Variants in GUCA1C observed in about 807,000 individuals in gnomAD.
GUCA1C encodes guanylate cyclase activator 1C.
GUCA1C carries 15 observed loss-of-function variants against 16.2 expected under a neutral mutation model. The ratio of observed to expected loss-of-function variants is 0.93; its 90% CI spans 0.62 to 1.43. The LOEUF is 1.43. Among genes scored for constraint, GUCA1C ranks in the 40% most tolerant of loss-of-function variants. The probability of loss-of-function intolerance (pLI) is 0.00; values close to 1 mark genes in which losing one functional copy is unlikely to be tolerated. For missense variants in GUCA1C, 275 were observed against 244.8 expected (o/e 1.12, Z -0.82); for synonymous variants, 78 against 85.4 (o/e 0.91, Z 0.48).
intron 1 of GUCA1C, among the ~76,000 whole-genome samples, chr3:108,926,156 G>C (rs1231813635): frequency 6.6e-6 from 1 of 151,834 alleles, no homozygotes; most frequent in Non-Finnish European, 1.5e-5. Flanking sequence ...TTTCCTGTTG[G>C]CTAGTCCATT....
intron 1 of GUCA1C, among the ~76,000 whole-genome samples, chr3:108,928,461 T>A (rs1231998958): frequency 1.3e-5 from 2 of 152,240 alleles, no homozygotes; most frequent in Non-Finnish European, 2.9e-5. Context: ...AACTCCAGCT[T>A]ATTATTTTTC....
At chr3:108,929,752 C>T (rs1222878776) in intron 1 of GUCA1C, among the ~76,000 whole-genome samples, 1 of 152,124 alleles carries the variant, frequency 6.6e-6, no homozygotes, top group African/African-American at 2.4e-5. Context: ...AGATTTTGTC[C>T]TCTTCTGAAG....
intron 1 of GUCA1C, among the ~76,000 whole-genome samples, chr3:108,945,841 A>T (rs1946839273): frequency 6.6e-6 from 1 of 152,232 alleles, no homozygotes; most frequent in African/African-American, 2.4e-5. Context: ...CTGTTATACT[A>T]AAAGAGAAGT....
At chr3:108,912,577 A>T (rs4855677) in intron 3 of GUCA1C, among the ~76,000 whole-genome samples, 142,018 of 151,894 alleles carry the variant, frequency 0.93, 66,590 homozygotes, top group East Asian at 0.97. Context: ...AAAGATGTAA[A>T]GAAAAGAAAA....
At chr3:108,918,133 T>C (rs766620259) in intron 2 of GUCA1C, among the ~76,000 whole-genome samples, 1 of 152,242 alleles carries the variant, frequency 6.6e-6, no homozygotes, top group Non-Finnish European at 1.5e-5. Context: ...CTGTGCACCG[T>C]TGAATACTTA....
chr3:108,935,388 T>A (rs143527543), intron 1 of GUCA1C, among the ~76,000 whole-genome samples: 1 of 151,962 alleles, frequency 6.6e-6, no homozygotes, highest in Non-Finnish European at 1.5e-5. Flanking sequence ...CACATTTTTA[T>A]ATCTATAAAG....
chr3:108,926,511 C>T (rs746730499), intron 1 of GUCA1C, among the ~76,000 whole-genome samples: 8 of 152,282 alleles, frequency 5.3e-5, no homozygotes, highest in Middle Eastern at 3.4e-3. Flanking sequence ...GACGGAGTCT[C>T]GCTCTGTCCC....
chr3:108,942,307 A>G (rs1946794558), intron 1 of GUCA1C, among the ~76,000 whole-genome samples: 1 of 152,146 alleles, frequency 6.6e-6, no homozygotes, highest in Non-Finnish European at 1.5e-5. Flanking sequence ...AAGATCCCCA[A>G]ATGCCTCAAC....
chr3:108,936,963 A>ATT (rs1946733222), intron 1 of GUCA1C, among the ~76,000 whole-genome samples: 1 of 151,940 alleles, frequency 6.6e-6, no homozygotes, highest in East Asian at 1.9e-4. Context: ...TTTCATGAAC[A>ATT]TTTCTTGTGT....
At chr3:108,923,732 TG>T (rs1385747795) in intron 1 of GUCA1C, among the ~76,000 whole-genome samples, 3 of 152,204 alleles carry the variant, frequency 2.0e-5, no homozygotes, top group African/African-American at 7.2e-5. Flanking sequence ...ATTTGAAGAT[TG>T]CTTTTGGTAC....
chr3:108,948,896 G>A (rs1335568714), intron 1 of GUCA1C, among the ~76,000 whole-genome samples: 1 of 150,270 alleles, frequency 6.7e-6, no homozygotes, highest in African/African-American at 2.5e-5. Context: ...CACCCAGGCT[G>A]GAGTACAAGG....
At chr3:108,923,717 G>A (rs1332790702) in intron 1 of GUCA1C, among the ~76,000 whole-genome samples, 1 of 151,968 alleles carries the variant, frequency 6.6e-6, no homozygotes, top group Non-Finnish European at 1.5e-5. Flanking sequence ...TGGGAGTTGC[G>A]TTTAATTTGA....
At chr3:108,911,290 C>T (rs78998979) in intron 3 of GUCA1C, among the ~76,000 whole-genome samples, 2 of 152,168 alleles carry the variant, frequency 1.3e-5, no homozygotes, top group African/African-American at 2.4e-5. Context: ...TTCTCCTTCA[C>T]CCCCACCCCC....
chr3:108,951,901 C>G (rs1946899683), intron 1 of GUCA1C, among the ~76,000 whole-genome samples: 1 of 152,238 alleles, frequency 6.6e-6, no homozygotes, highest in South Asian at 2.1e-4. Context: ...CATCTGACAG[C>G]AGATCCTTGC....
chr3:108,944,756 GT>G (rs751356784), intron 1 of GUCA1C, among the ~76,000 whole-genome samples: 11 of 152,266 alleles, frequency 7.2e-5, no homozygotes, highest in Middle Eastern at 3.4e-3. Context: ...TAATCACTCA[GT>G]AAATATGTTT....
intron 1 of GUCA1C, among the ~76,000 whole-genome samples, chr3:108,945,932 G>C (rs9849179): frequency 6.6e-6 from 1 of 151,978 alleles, no homozygotes; most frequent in South Asian, 2.1e-4. Context: ...TTGTTAAATT[G>C]TATAAGCCAA....
intron 1 of GUCA1C, among the ~76,000 whole-genome samples, chr3:108,952,653 A>T (rs1559850390): frequency 6.6e-6 from 1 of 151,428 alleles, no homozygotes; most frequent in African/African-American, 2.4e-5. Flanking sequence ...TTTTAATTTT[A>T]CTCAATTTAC....
chr3:108,926,606 G>A (rs1320982720), intron 1 of GUCA1C, among the ~76,000 whole-genome samples: 4 of 152,040 alleles, frequency 2.6e-5, no homozygotes, highest in East Asian at 1.9e-4. Flanking sequence ...TCGGCCTCCC[G>A]AGTAGCTGGG....
intron 1 of GUCA1C, among the ~76,000 whole-genome samples, chr3:108,935,181 T>C (rs1466119121): frequency 1.3e-5 from 2 of 151,814 alleles, no homozygotes; most frequent in Non-Finnish European, 2.9e-5. Context: ...CAATAGAAAC[T>C]GGGGACTACT....
Sources: allele counts gnomAD v4.1 joint callset (sites outside exome capture counted in the v4.1 genomes callset), GRCh38; gene constraint gnomAD v4.1.1; transcripts MANE v1.5; gene names NCBI Gene and HGNC (gene_info 2026-07-23, HGNC 2026-07-21).